The following TENM1 variants were observed in gnomAD, a reference collection of about 807,000 sequenced individuals.
TENM1 encodes teneurin transmembrane protein 1.
Under a neutral mutation model 174.8 loss-of-function variants are expected in TENM1, and 35 were observed. The ratio of observed to expected loss-of-function variants is 0.20; its 90% CI spans 0.15 to 0.27. The LOEUF (loss-of-function observed/expected upper bound fraction) is 0.27, where lower values mean the gene tolerates loss of function less well. TENM1 is among the 10% of genes least tolerant of loss of function. The pLI, the probability that TENM1 is intolerant of heterozygous loss-of-function variation, is 1.00. For synonymous variants in TENM1, 781 were observed against 798.7 expected, an observed-to-expected ratio of 0.98 and a Z score of 0.37; for missense variants, 1,633 against 2,130.1, an observed-to-expected ratio of 0.77 and a Z score of 4.59.
intron 6 of TENM1, among the ~76,000 whole-genome samples, chrX:124,663,430 A>T (rs979663049): frequency 1.8e-5 from 2 of 112,416 alleles, no homozygotes; most frequent in African/African-American, 6.5e-5. Context: ...CTAGAATTAC[A>T]TTGGACTCCA....
intron 11 of TENM1, among the ~76,000 whole-genome samples, chrX:124,630,115 A>G (rs1451332933): frequency 1.8e-5 from 2 of 112,678 alleles, no homozygotes; most frequent in Admixed American, 1.9e-4. Context: ...GAAATGAACA[A>G]AAAGAAGACT....
intron 5 of TENM1, among the ~76,000 whole-genome samples, chrX:124,692,047 T>C (rs900510979): frequency 1.8e-5 from 2 of 112,345 alleles, no homozygotes; most frequent in African/African-American, 6.5e-5. Flanking sequence ...CTGGTAATGA[T>C]GTTTGTATTG....
chrX:125,142,814 T>C, the TENM1 span, among the ~76,000 whole-genome samples: 3 of 111,319 alleles, frequency 2.7e-5, no homozygotes, highest in East Asian at 5.6e-4. Flanking sequence ...TGTCTATACA[T>C]AGTCCCAAAA....
chrX:124,784,644 A>T (rs1343086052), intron 3 of TENM1, among the ~76,000 whole-genome samples: 1 of 111,600 alleles, frequency 9.0e-6, no homozygotes, highest in African/African-American at 3.2e-5. Flanking sequence ...TAATAAGATG[A>T]TCTCTCCTGG....
At chrX:125,057,160 G>A in the TENM1 span, among the ~76,000 whole-genome samples, 444 of 111,804 alleles carry the variant, frequency 4.0e-3, 1 homozygote, top group Non-Finnish European at 5.6e-3. Context: ...TTTTATGCAA[G>A]ATAATATGTT....
intron 8 of TENM1, among the ~76,000 whole-genome samples, chrX:124,648,397 C>G (rs978372246): frequency 8.9e-6 from 1 of 112,004 alleles, no homozygotes; most frequent in Non-Finnish European, 1.9e-5. Flanking sequence ...GAACACATGC[C>G]TTTTGCGGGT....
intron 6 of TENM1, among the ~76,000 whole-genome samples, chrX:124,661,262 A>G (rs1031509944): frequency 8.9e-6 from 1 of 112,046 alleles, no homozygotes; most frequent in Non-Finnish European, 1.9e-5. Flanking sequence ...AACTCTGAAT[A>G]GGGTAAAGAT....
At chrX:124,471,741 G>C (rs1462510020) in intron 22 of TENM1, among the ~76,000 whole-genome samples, 9 of 88,797 alleles carry the variant, frequency 1.0e-4, no homozygotes, top group Non-Finnish European at 1.9e-4. Context: ...ATACAATATA[G>C]AGTAATATAT....
At chrX:124,653,052 AAGG>A (rs2051349882) in intron 7 of TENM1, among the ~76,000 whole-genome samples, 1 of 111,825 alleles carries the variant, frequency 8.9e-6, no homozygotes, top group Non-Finnish European at 1.9e-5. Context: ...GGGAAAAAAT[AAGG>A]AGAAGAAAAT....
At position 124,455,225 on chromosome X, in the gene TENM1, A is replaced by G. The variant is rs181689815; in HGVS notation, c.3950-1734T>C. On this transcript the variant is annotated intron_variant, in intron 22 of 31. Coordinates refer to ENST00000422452, the Ensembl canonical transcript of TENM1. ...GTTCTCCAAGGAAACCAGCATGTCC[A>G]AACAAGGGAATTCCATGTCCATAAA... Among the ~76,000 whole-genome samples, 5 of 112,211 alleles carry G rather than the reference A, an allele frequency of 4.5e-5. No homozygotes were observed. In the East Asian group the frequency reaches 1.4e-3, roughly 31 times the overall value.
At chrX:125,063,342 T>C in the TENM1 span, among the ~76,000 whole-genome samples, 3 of 111,946 alleles carry the variant, frequency 2.7e-5, no homozygotes, top group Non-Finnish European at 5.6e-5. Context: ...AGGATCTACT[T>C]TGAGGCACTT....
chrX:124,620,981 C>A, intron 11 of TENM1, among the ~76,000 whole-genome samples: 1 of 111,501 alleles, frequency 9.0e-6, no homozygotes, highest in East Asian at 2.8e-4. Context: ...AGTTACTTAG[C>A]GGCCCAAAGA....
At chrX:124,722,448 G>A (rs936832850) in intron 4 of TENM1, among the ~76,000 whole-genome samples, 1 of 111,314 alleles carries the variant, frequency 9.0e-6, no homozygotes, top group Admixed American at 9.5e-5. Flanking sequence ...ACCAACTTTA[G>A]ATAAGAGTGG....
intron 25 of TENM1, chrX:124,411,934 A>C (rs2060540962): frequency 8.9e-6 from 1 of 112,019 alleles, no homozygotes; most frequent in Non-Finnish European, 1.9e-5. Flanking sequence ...ACAAGCCGAT[A>C]TGCTCCAACG....
the TENM1 span, among the ~76,000 whole-genome samples, chrX:125,005,621 A>G: frequency 2.7e-5 from 3 of 110,968 alleles, no homozygotes; most frequent in Admixed American, 2.9e-4. Flanking sequence ...AAACAGCTCC[A>G]GCAGCTCCCA....
intron 19 of TENM1, among the ~76,000 whole-genome samples, chrX:124,500,219 G>A (rs770632488): frequency 6.3e-5 from 7 of 111,947 alleles, no homozygotes; most frequent in Non-Finnish European, 9.4e-5. Flanking sequence ...TAAAGTGCCC[G>A]TGTACTGAAA....
At chrX:124,595,860 C>T (rs2049878436) in intron 11 of TENM1, among the ~76,000 whole-genome samples, 1 of 111,912 alleles carries the variant, frequency 8.9e-6, no homozygotes, top group African/African-American at 3.2e-5. Flanking sequence ...CTTAACTTTC[C>T]ACTTTTTTAA....
chrX:124,961,247 A>C (rs1183831357), intron 1 of TENM1, among the ~76,000 whole-genome samples: 1 of 112,306 alleles, frequency 8.9e-6, no homozygotes, highest in African/African-American at 3.2e-5. Flanking sequence ...ACAATTATAA[A>C]GCATATATTA....
At chrX:125,172,732 G>A in the TENM1 span, among the ~76,000 whole-genome samples, 3 of 110,882 alleles carry the variant, frequency 2.7e-5, no homozygotes, top group Non-Finnish European at 5.7e-5. Context: ...GTCATCATAT[G>A]TACATGGAAT....
Sources: gnomAD v4.1 joint callset for allele counts (sites outside exome capture counted in the v4.1 genomes callset) on GRCh38, gnomAD v4.1.1 for gene constraint, MANE v1.5 for transcripts, NCBI Gene and HGNC (gene_info 2026-07-23, HGNC 2026-07-21) for gene names.